TPCN2: variants seen among roughly 807,000 people sequenced by gnomAD.
TPCN2 encodes the protein two pore channel protein 2.
In TPCN2, 92 loss-of-function variants were observed where a neutral mutation model predicts 111.4. The observed-to-expected ratio is 0.83, with a 90% CI of 0.70 to 0.98. The LOEUF (loss-of-function observed/expected upper bound fraction) is 0.98. TPCN2 is among the 50% of genes least tolerant of loss of function. The pLI is 0.00. For synonymous variants in TPCN2, 405 were observed against 414.5 expected, an observed-to-expected ratio of 0.98 and a Z score of 0.28; for missense variants, 995 against 980.1, an observed-to-expected ratio of 1.02 and a Z score of -0.20.
rs1855361688 is a variant in TPCN2, at chr11:69,068,241, C to G, written c.829+636C>G. ...CCCTGAGTGCTGTCTCTTGTGTCCT[C>G]TGAGTCCTAGGAAGTGACCGCAGTG... On this transcript the variant is annotated intron_variant, in intron 8 of 24. Transcript: ENST00000294309. Among the ~76,000 whole-genome samples, 3 of 152,098 alleles carry G rather than the reference C, an allele frequency of 2.0e-5. No individual in the cohort carries two copies. The South Asian group carries it at 6.2e-4, about 32-fold the overall frequency.
Position 69,087,948 on chromosome 11 carries a change from A to T in TPCN2, c.2254A>T (p.Arg752Trp). The T allele has an allele frequency of 6.2e-7, 1 of 1,608,096 alleles. No individual in the cohort carries two copies. Among genetic ancestry groups the T allele is most frequent in the Non-Finnish European group, 8.5e-7 (1 of 1,178,676 alleles). Residue 752 changes from arginine to tryptophan, a missense_variant, in exon 25 of 25, where the codon AGG (arginine) becomes TGG (tryptophan). By Grantham distance (101) the Arg-to-Trp change is moderately radical (BLOSUM62 -3). Coordinates refer to ENST00000294309, the MANE Select transcript of TPCN2 (RefSeq NM_139075.4). ...CCAGCACCCGCACCTGTGGCTGTGC[A>T]GGTGACGTCCGGGCTGCCGTCCCAG... ...LSQHPHLWLC[R>W]
At chr11:69,077,296 TTGCCCTCCTGCCGTGTCCCTCCACC>T (rs1855831403) in intron 13 of TPCN2, among the ~76,000 whole-genome samples, 1 of 70,072 alleles carries the variant, frequency 1.4e-5, no homozygotes, top group African/African-American at 6.0e-5. Flanking sequence ...GTCCCTCCAC[TTGCCCTCCTGCCGTGTCCCTCCACC>T]TGCCCTCCTG....
At chr11:69,063,450 C>T (rs904094517) in intron 6 of TPCN2, among the ~76,000 whole-genome samples, 5 of 152,060 alleles carry the variant, frequency 3.3e-5, no homozygotes, top group Non-Finnish European at 7.4e-5. Flanking sequence ...GGGGCTCTCT[C>T]CCTGCGCCCC....
chr11:69,053,361 G>T (rs1861321176), intron 1 of TPCN2, among the ~76,000 whole-genome samples: 1 of 152,178 alleles, frequency 6.6e-6, no homozygotes, highest in Non-Finnish European at 1.5e-5. Context: ...CATGGACCGG[G>T]ACAGTGAGGG....
chr11:69,070,332 ACCT>A (rs1855466240), intron 8 of TPCN2, 95 bp from the exon 9 acceptor site: 2 of 967,856 alleles, frequency 2.1e-6, no homozygotes, highest in East Asian at 2.5e-5. Flanking sequence ...AGCAATGGAG[ACCT>A]CCTTTCTATT....
Position 69,048,941 on chromosome 11 carries a change from C to G in TPCN2, c.-57C>G. ...GGGTCTCCGCGCCTGCGCAGTGAAG[C>G]TGGGCGCCTTCGGGGCTTGAGCTTC... On this transcript the variant is annotated 5_prime_UTR_variant, in exon 1 of 25. Transcript: ENST00000294309. The G allele has an allele frequency of 1.7e-6, 2 of 1,144,272 alleles. No homozygotes were observed. The highest frequency in any genetic ancestry group is 3.2e-5 in the East Asian group (1 of 31,216). 70.9% of individuals were successfully genotyped at this position (1,144,272 alleles called of 1,614,324 possible).
chr11:69,078,361 A>T (rs574636971), intron 13 of TPCN2, 121 bp from the exon 14 acceptor site: 2 of 1,254,360 alleles, frequency 1.6e-6, no homozygotes, highest in Non-Finnish European at 2.2e-6. Context: ...GGCTGGATAG[A>T]TAGGACGGGA....
intron 1 of TPCN2, among the ~76,000 whole-genome samples, chr11:69,053,251 C>T (rs1258865654): frequency 6.6e-6 from 1 of 152,212 alleles, no homozygotes; most frequent in Non-Finnish European, 1.5e-5. Context: ...TAAAGGCGGG[C>T]GGCCACCCTT....
At chr11:69,064,847 T>C (rs1433547018) in intron 7 of TPCN2, among the ~76,000 whole-genome samples, 1 of 152,076 alleles carries the variant, frequency 6.6e-6, no homozygotes, top group Non-Finnish European at 1.5e-5. Context: ...TTTGTTTGTA[T>C]GTGTAGGTGT....
At chr11:69,071,133 TCCCCCACCAACAGCTTCACC>T (rs1565088197) in intron 9 of TPCN2, among the ~76,000 whole-genome samples, 18 of 147,148 alleles carry the variant, frequency 1.2e-4, no homozygotes, top group Non-Finnish European at 1.5e-5. Flanking sequence ...ACCCCAGGGA[TCCCCCACCAACAGCTTCACC>T]CCAGGGATCC....
At chr11:69,080,525 C>T (rs569803187) in intron 17 of TPCN2, among the ~76,000 whole-genome samples, 7 of 152,300 alleles carry the variant, frequency 4.6e-5, no homozygotes, top group Admixed American at 3.3e-4. Context: ...CTGGTGTGCC[C>T]GTGATGAGAC....
chr11:69,079,552 T>C, intron 16 of TPCN2: 2 of 379,438 alleles, frequency 5.3e-6, no homozygotes, highest in Non-Finnish European at 9.5e-6. Context: ...AAGAGAAATT[T>C]GAAAAGGGCC....
Position 69,057,685 on chromosome 11 carries a change from G to A in TPCN2, c.537G>A (p.Val179=), listed in dbSNP as rs748899675. The A allele has an allele frequency of 8.7e-6, 14 of 1,614,032 alleles. No homozygotes were observed. The highest frequency in any genetic ancestry group is 1.2e-5 in the Non-Finnish European group (14 of 1,179,970). ...LVDWTVSLSL[V]CHEPLRIRRL... ...ACTGGACCGTGTCCCTGAGTCTCGT[G>A]TGTCATGAGGTAGGTGGTGAGGCAG... Residue 179 remains valine (V), a synonymous_variant, in exon 5 of 25, where the codon GTG becomes GTA. Coordinates refer to ENST00000294309, the MANE Select transcript of TPCN2 (RefSeq NM_139075.4).
intron 1 of TPCN2, among the ~76,000 whole-genome samples, chr11:69,051,539 G>A (rs1352716640): frequency 2.6e-5 from 4 of 152,240 alleles, no homozygotes; most frequent in African/African-American, 7.2e-5. Flanking sequence ...GGAGCCTGGA[G>A]CAACAGGGGA....
At chr11:69,086,010 AC>A in intron 22 of TPCN2, 80 bp downstream of exon 22, 5 of 1,384,972 alleles carry the variant, frequency 3.6e-6, no homozygotes, top group Non-Finnish European at 5.0e-6. Flanking sequence ...CTGCATCTGC[AC>A]TGGACGCCCG....
At chr11:69,061,650 G>C (rs986133367) in intron 5 of TPCN2, among the ~76,000 whole-genome samples, 2 of 152,176 alleles carry the variant, frequency 1.3e-5, no homozygotes, top group Non-Finnish European at 2.9e-5. Flanking sequence ...GGCAGGATGG[G>C]AAGGTGCTCA....
At chr11:69,055,535 T>C (rs912908946) in intron 4 of TPCN2, among the ~76,000 whole-genome samples, 183 bp downstream of exon 4, 2 of 151,792 alleles carry the variant, frequency 1.3e-5, no homozygotes, top group African/African-American at 4.8e-5. Context: ...CTATGTCAGC[T>C]CTCCTCCCTC....
At position 69,081,456 on chromosome 11, in the gene TPCN2, T is replaced by C. The variant is rs1856005794; in HGVS notation, c.1646T>C (p.Met549Thr). 6.3e-7 allele frequency: 1 copy of C among 1,575,710 alleles called. No individual in the cohort carries two copies. Residue 549 changes from methionine to threonine, a missense_variant, in exon 18 of 25, where the codon ATG becomes ACG. Transcript: ENST00000294309. The part of the protein sequence containing the change: ...SLWDMTRMLN[M>T]LIVFRFLRII... ...TGGGACATGACCCGCATGCTGAACA[T>C]GCTCATCGTGTTCCGCTTCCTGCGT...
intron 7 of TPCN2, among the ~76,000 whole-genome samples, chr11:69,066,392 C>A (rs923379431): frequency 2.6e-5 from 4 of 152,212 alleles, no homozygotes; most frequent in African/African-American, 9.6e-5. Context: ...TGGCTCTGTG[C>A]CTGACAGCGC....
Sources: allele counts gnomAD v4.1 joint callset (sites outside exome capture counted in the v4.1 genomes callset), GRCh38; gene constraint gnomAD v4.1.1; transcripts MANE v1.5; gene names NCBI Gene and HGNC (gene_info 2026-07-23, HGNC 2026-07-21).